Variants in NFS1 observed in about 807,000 individuals in gnomAD.
NFS1 encodes the protein NFS1 cysteine desulfurase.
NFS1 carries 26 observed loss-of-function variants against 57.3 expected under a neutral mutation model. The ratio of observed to expected loss-of-function variants is 0.45; its 90% CI spans 0.33 to 0.63. The LOEUF (loss-of-function observed/expected upper bound fraction) is 0.63, where lower values mean the gene tolerates loss of function less well. NFS1 is among the 20% of genes least tolerant of loss of function. The probability of loss-of-function intolerance (pLI) is 0.02; values close to 1 mark genes in which losing one functional copy is unlikely to be tolerated. For synonymous variants in NFS1, 209 were observed against 216.3 expected (o/e 0.97, Z 0.30); for missense variants, 505 against 605.8 (o/e 0.83, Z 1.75).
chr20:35,697,760 T>G lies in NFS1; in HGVS notation c.248A>C (p.Asn83Thr). The G allele has an allele frequency of 6.2e-7, 1 of 1,613,858 alleles. No homozygotes were observed. The highest frequency in any genetic ancestry group is 8.5e-7 in the Non-Finnish European group (1 of 1,179,916). The change falls in exon 3 of 13, where the codon AAC (asparagine) becomes ACC (threonine). Residue 83 changes from asparagine (N) to threonine (T), a missense_variant. Asn to Thr is a moderately conservative substitution (Grantham distance 65, BLOSUM62 0). Coordinates refer to ENST00000374092, the MANE Select transcript of NFS1 (RefSeq NM_021100.5). ...VLDAMLPYLI[N>T]YYGNPHSRTH... ...CCGGGAGTGTGGGTTCCCATAGTAG[T>G]TGATTAGGTAAGGGAGCATGGCATC...
At chr20:35,683,829 TG>T (rs1401531019) in intron 5 of NFS1, among the ~76,000 whole-genome samples, 1 of 147,822 alleles carries the variant, frequency 6.8e-6, no homozygotes, top group African/African-American at 2.5e-5. Flanking sequence ...AAGAAATTGC[TG>T]GGTATGGTGG....
chr20:35,682,510 C>T lies in NFS1; in HGVS notation c.562-529G>A, dbSNP rs1000629951. ...ATTAGTGAAAAAAGCCAATAAAGGC[C>T]GGGCGCAATGGCTCACGCCTGTAAT... On this transcript the variant is annotated intron_variant, in intron 5 of 12. Coordinates refer to ENST00000374092, the MANE Select transcript of NFS1 (RefSeq NM_021100.5). Among the ~76,000 whole-genome samples the T allele has an allele frequency of 3.9e-5, 6 of 152,248 alleles. No individual in the cohort carries two copies. The East Asian group carries it at 7.7e-4, about 20-fold the overall frequency.
chr20:35,672,939 A>T, intron 11 of NFS1, 95 bp from the exon 12 acceptor site: 1 of 709,366 alleles, frequency 1.4e-6, no homozygotes, highest in Non-Finnish European at 2.4e-6. Context: ...ACGACACAAA[A>T]GATATGGAGA....
intron 5 of NFS1, among the ~76,000 whole-genome samples, chr20:35,683,790 CAAAAAAAAAAAAA>C (rs151037025): frequency 1.9e-5 from 1 of 54,026 alleles, no homozygotes; most frequent in Non-Finnish European, 3.8e-5. Flanking sequence ...GACTCCATCT[CAAAAAAAAAAAAA>C]AAAAAAAAAG....
chr20:35,680,751 AT>A lies in NFS1; in HGVS notation c.775del (p.Ile259SerfsTer42). Reference protein sequence around the residue: ...IDLMSISGHKIYGPKGVGAIY... With the variant: ...IDLMSISGHKXYGPKGVGAIY... ...GGGGCTGGTACCTTTGGGACCGTAG[AT>A]TTTGTGACCACTAATGCTCATGAGA... On this transcript the variant is annotated frameshift_variant, in exon 7 of 13. Transcript: ENST00000374092. LOFTEE classifies it high-confidence loss of function. 1 of 1,556,386 alleles carries A rather than the reference AT, an allele frequency of 6.4e-7. No homozygotes were observed. Among genetic ancestry groups the A allele is most frequent in the Non-Finnish European group, 8.7e-7 (1 of 1,153,400 alleles).
intron 10 of NFS1, 163 bp from the exon 11 acceptor site, chr20:35,673,847 A>G (rs1034888534): frequency 6.3e-5 from 36 of 570,052 alleles, no homozygotes; most frequent in Admixed American, 4.7e-4. Flanking sequence ...GCTCCCCTGC[A>G]CATCCTAGGA....
intron 10 of NFS1, 74 bp downstream of exon 10, chr20:35,674,276 C>A (rs2034701950): frequency 1.7e-6 from 2 of 1,177,476 alleles, no homozygotes; most frequent in South Asian, 1.2e-5. Context: ...CATCTCCACA[C>A]TGGGAAGTTT....
At chr20:35,685,983 G>C (rs566642252) in intron 5 of NFS1, among the ~76,000 whole-genome samples, 2 of 147,908 alleles carry the variant, frequency 1.4e-5, no homozygotes, top group Admixed American at 1.3e-4. Flanking sequence ...AGGCTAGAGT[G>C]CAATGGCACG....
chr20:35,679,685 C>A (rs2034815823), intron 7 of NFS1, among the ~76,000 whole-genome samples: 1 of 152,044 alleles, frequency 6.6e-6, no homozygotes. Context: ...CTCTGGGAAC[C>A]CTTAGAAGAC....
At chr20:35,695,930 C>A (rs965882805) in intron 4 of NFS1, among the ~76,000 whole-genome samples, 1 of 152,070 alleles carries the variant, frequency 6.6e-6, no homozygotes, top group Non-Finnish European at 1.5e-5. Flanking sequence ...CTCCCAGCTA[C>A]TCTGGAGGCT....
At chr20:35,691,751 A>G (rs1390994016) in intron 4 of NFS1, among the ~76,000 whole-genome samples, 13 of 149,098 alleles carry the variant, frequency 8.7e-5, no homozygotes, top group Non-Finnish European at 1.5e-5. Flanking sequence ...AAAAAAAAAA[A>G]AAAAAAAAAA....
chr20:35,691,832 C>T (rs564305497), intron 4 of NFS1, among the ~76,000 whole-genome samples: 6 of 148,224 alleles, frequency 4.0e-5, no homozygotes, highest in East Asian at 2.0e-4. Context: ...AGGTGGATCA[C>T]GAGGTCAGGA....
chr20:35,688,347 G>A (rs536678681), intron 5 of NFS1, among the ~76,000 whole-genome samples: 13 of 152,176 alleles, frequency 8.5e-5, no homozygotes, highest in African/African-American at 2.9e-4. Context: ...TTGAGGTCAG[G>A]AGTTTGAGAC....
chr20:35,692,101 G>A lies in NFS1; in HGVS notation c.409-1536C>T, dbSNP rs557043810. On this transcript the variant is annotated intron_variant, in intron 4 of 12. Coordinates refer to ENST00000374092, the MANE Select transcript of NFS1 (RefSeq NM_021100.5). The stretch of plus-strand genomic sequence containing the variant: ...CTCTGGAGGCTGAGGCAGGAGAATC[G>A]CTTGAACCCAGGAGTTGGAGGCTGC... 1.7e-4 allele frequency: 27 copies of A among 161,290 alleles called. No individual in the cohort carries two copies. The South Asian group carries it at 3.1e-3, about 19-fold the overall frequency. The allele number at this position is 161,290 out of a possible 1,614,324, so 10.0% of individuals were successfully genotyped here.
chr20:35,669,736 A>G lies in NFS1; in HGVS notation c.1311-51T>C, dbSNP rs1199830865. On this transcript the variant is annotated intron_variant, in intron 12 of 12. Coordinates refer to ENST00000374092, the MANE Select transcript of NFS1 (RefSeq NM_021100.5). The stretch of plus-strand genomic sequence containing the variant: ...GAGTGAGGGCTTAGATAGGAAGTCG[A>G]CAACATTGGCCCCAAGGCTCTGAGC... The G allele has an allele frequency of 1.9e-6, 3 of 1,548,232 alleles. No homozygotes were observed. In the South Asian group the frequency reaches 3.3e-5, roughly 17 times the overall value.
chr20:35,675,237 A>G (rs2034722040), intron 7 of NFS1, 35 bp from the exon 8 acceptor site: 1 of 1,547,538 alleles, frequency 6.5e-7, no homozygotes, highest in Non-Finnish European at 8.8e-7. Context: ...AAACAGAAAG[A>G]GAGAAAAGTA....
Position 35,669,535 on chromosome 20 carries a change from T to C in NFS1, c.*87A>G. On this transcript the variant is annotated 3_prime_UTR_variant, in exon 13 of 13. Transcript: ENST00000374092. Reference sequence around the variant, plus strand: ...AACTGGTCTATACCAATCTAGAGCATCCACTAGGTGTAACAAGGTGTCTGG... The same window carrying C: ...AACTGGTCTATACCAATCTAGAGCACCCACTAGGTGTAACAAGGTGTCTGG... 1.7e-6 allele frequency: 2 copies of C among 1,160,800 alleles called. No homozygotes were observed. The highest frequency in any genetic ancestry group is 2.6e-6 in the Non-Finnish European group (2 of 768,254). 71.9% of individuals were successfully genotyped at this position (1,160,800 alleles called of 1,614,324 possible).
chr20:35,673,781 TCA>T, intron 10 of NFS1, 97 bp from the exon 11 acceptor site: 1 of 911,524 alleles, frequency 1.1e-6, no homozygotes, highest in South Asian at 1.5e-5. Flanking sequence ...GGCCCTGGAG[TCA>T]TACCCTGGAG....
intron 5 of NFS1, among the ~76,000 whole-genome samples, chr20:35,683,979 G>A (rs1451199229): frequency 6.6e-6 from 1 of 151,376 alleles, no homozygotes; most frequent in East Asian, 1.9e-4. Flanking sequence ...TGGGCATGGC[G>A]GCAGGTGCCT....
Sources: gnomAD v4.1 joint callset for allele counts (sites outside exome capture counted in the v4.1 genomes callset) on GRCh38, gnomAD v4.1.1 for gene constraint, MANE v1.5 for transcripts, NCBI Gene and HGNC (gene_info 2026-07-23, HGNC 2026-07-21) for gene names.